The following FBXW8 variants were observed in gnomAD, a reference collection of about 807,000 sequenced individuals.
FBXW8 encodes the protein F-box/WD repeat-containing protein 8.
FBXW8 carries 57 observed loss-of-function variants against 65.3 expected under a neutral mutation model. The observed-to-expected ratio is 0.87, with a 90% CI of 0.71 to 1.09. The LOEUF (loss-of-function observed/expected upper bound fraction) is 1.09. Ranked by LOEUF, FBXW8 falls within the 50% of genes least tolerant of loss-of-function variation. The pLI is 0.00. For synonymous variants in FBXW8, 308 were observed against 330.2 expected (o/e 0.93, Z 0.73); for missense variants, 777 against 814.8 (o/e 0.95, Z 0.57).
At chr12:116,912,171 G>GTTTTTTTTT (rs57142470) in intron 1 of FBXW8, among the ~76,000 whole-genome samples, 1 of 131,022 alleles carries the variant, frequency 7.6e-6, no homozygotes. Context: ...TTTTTTTCCT[G>GTTTTTTTTT]TTTTTTTTTT....
intron 9 of FBXW8, among the ~76,000 whole-genome samples, chr12:117,025,368 T>C (rs1034124291): frequency 2.0e-5 from 3 of 152,222 alleles, no homozygotes; most frequent in African/African-American, 7.2e-5. Context: ...CAGTGGCCTC[T>C]GAGCATGACA....
chr12:117,025,811 C>CCTCAGG (rs1265389078), intron 9 of FBXW8, among the ~76,000 whole-genome samples: 1 of 152,224 alleles, frequency 6.6e-6, no homozygotes, highest in Non-Finnish European at 1.5e-5. Context: ...CCATCCAGGT[C>CCTCAGG]CTCAGGGATG....
At chr12:117,011,390 C>T (rs1177113277) in intron 8 of FBXW8, among the ~76,000 whole-genome samples, 2 of 152,146 alleles carry the variant, frequency 1.3e-5, no homozygotes, top group African/African-American at 4.8e-5. Context: ...CAACCTTCAC[C>T]CCTAGATACC....
intron 1 of FBXW8, among the ~76,000 whole-genome samples, chr12:116,915,841 T>TG (rs1189845842): frequency 1.3e-5 from 2 of 151,848 alleles, no homozygotes; most frequent in Non-Finnish European, 2.9e-5. Flanking sequence ...TTGGTAGAGA[T>TG]GGGGTTTCAC....
intron 5 of FBXW8, among the ~76,000 whole-genome samples, chr12:116,975,537 G>A (rs532985760): frequency 1.3e-5 from 2 of 152,308 alleles, no homozygotes; most frequent in South Asian, 4.1e-4. Flanking sequence ...ACAACATTCA[G>A]ATGAGCAATG....
intron 2 of FBXW8, among the ~76,000 whole-genome samples, chr12:116,929,942 T>C (rs1003059303): frequency 6.6e-6 from 1 of 152,244 alleles, no homozygotes; most frequent in Non-Finnish European, 1.5e-5. Context: ...TATTTGTCTT[T>C]CTGTGGCTGG....
At chr12:116,986,652 CA>C (rs1490097483) in intron 6 of FBXW8, 1 of 151,656 alleles carries the variant, frequency 6.6e-6, no homozygotes, top group Non-Finnish European at 1.5e-5. Flanking sequence ...AAAAAAACAA[CA>C]AAAAAACGAA....
intron 1 of FBXW8, among the ~76,000 whole-genome samples, chr12:116,918,963 A>G (rs74553355): frequency 0.029 from 4,447 of 152,056 alleles, 192 homozygotes; most frequent in East Asian, 0.2. Context: ...TGTATATGCC[A>G]TGTTTTTTTT....
At chr12:117,002,130 C>G (rs1953538341) in intron 7 of FBXW8, among the ~76,000 whole-genome samples, 1 of 152,248 alleles carries the variant, frequency 6.6e-6, no homozygotes, top group Admixed American at 6.5e-5. Context: ...GCCCACATCA[C>G]AAAGCCCCCA....
At chr12:117,002,566 G>C (rs1402565570) in intron 7 of FBXW8, 1 of 152,114 alleles carries the variant, frequency 6.6e-6, no homozygotes, top group Non-Finnish European at 1.5e-5. Flanking sequence ...TTGGGATGGT[G>C]GTGAAAGTCA....
chr12:116,939,102 T>A (rs754689038), intron 2 of FBXW8, among the ~76,000 whole-genome samples: 2 of 152,208 alleles, frequency 1.3e-5, no homozygotes, highest in Non-Finnish European at 2.9e-5. Context: ...AGCACTGGGC[T>A]TTTGAGATAC....
intron 1 of FBXW8, among the ~76,000 whole-genome samples, chr12:116,919,696 T>C (rs1880731571): frequency 6.6e-6 from 1 of 152,186 alleles, no homozygotes; most frequent in Non-Finnish European, 1.5e-5. Flanking sequence ...GTTTGTTGAG[T>C]TGAAATAATG....
intron 1 of FBXW8, among the ~76,000 whole-genome samples, chr12:116,913,310 A>C (rs1263533275): frequency 6.6e-6 from 1 of 152,236 alleles, no homozygotes; most frequent in Non-Finnish European, 1.5e-5. Flanking sequence ...CAAATCATGT[A>C]CAGTTGACCT....
rs146084480 is a variant in FBXW8 at position 116,919,686 on chromosome 12, GT to G, written c.318+8334del. On this transcript the variant is annotated intron_variant, in intron 1 of 10. Transcript: ENST00000652555. ...CTAGTACAGTAGGGGCCCTATCTAT[GT>G]TTGTTGAGTTGAAATAATGTGGGCA... Among the ~76,000 whole-genome samples the G allele has an allele frequency of 5.3e-3, 812 of 152,258 alleles. 11 individuals are homozygous for G. The highest frequency in any genetic ancestry group is 0.019 in the African/African-American group (785 of 41,540).
At chr12:116,989,175 T>G (rs1953175222) in intron 7 of FBXW8, among the ~76,000 whole-genome samples, 1 of 152,192 alleles carries the variant, frequency 6.6e-6, no homozygotes, top group Non-Finnish European at 1.5e-5. Context: ...AGAGATGGGA[T>G]CATAGTATAC....
rs1555220064 is a variant in FBXW8, at chr12:116,955,037, G to GGC, written c.677+5332_677+5333insCG. Among the ~76,000 whole-genome samples the GGC allele has an allele frequency of 1.9e-4, 4 of 21,394 alleles. No individual in the cohort carries two copies. The Admixed American group carries it at 6.3e-3, about 34-fold the overall frequency. The allele number at this position is 21,394 out of a possible 152,430, so 14.0% of individuals were successfully genotyped here. On this transcript the variant is annotated intron_variant, in intron 4 of 10. Transcript: ENST00000652555. ...GCTGTTGACTTTCCCCTCTTGAAAT[G>GGC]GGGGGGGGGGGCCCTGTATTAAGCA...
chr12:117,000,166 C>T (rs1406415499), intron 7 of FBXW8, among the ~76,000 whole-genome samples: 1 of 152,094 alleles, frequency 6.6e-6, no homozygotes, highest in African/African-American at 2.4e-5. Flanking sequence ...TTAGTAGAGA[C>T]GTGGTTTCAC....
rs151009621 is a variant in FBXW8 at position 117,025,382 on chromosome 12, T to C, written c.1541+1062T>C. Among the ~76,000 whole-genome samples the C allele has an allele frequency of 2.1e-3, 320 of 152,098 alleles. 1 individual carries two copies. The highest frequency in any genetic ancestry group is 7.3e-3 in the African/African-American group (302 of 41,486). Reference sequence around the variant, plus strand: ...CCAGTGGCCTCTGAGCATGACAACATAGAAGAGCAGAAACAGGGCAAGGCC... The same window carrying C: ...CCAGTGGCCTCTGAGCATGACAACACAGAAGAGCAGAAACAGGGCAAGGCC... On this transcript the variant is annotated intron_variant, in intron 9 of 10. Transcript: ENST00000652555.
chr12:116,976,472 T>C lies in FBXW8; in HGVS notation c.836-8734T>C, dbSNP rs1352654338. On this transcript the variant is annotated intron_variant, in intron 5 of 10. Transcript: ENST00000652555. ...ATCCTTTTTTTTTTTTTTTTTTTTTTCAAAACAGAGTCTCACTCTGTTGCC... is the reference window on the plus strand; with the variant it reads ...ATCCTTTTTTTTTTTTTTTTTTTTTCCAAAACAGAGTCTCACTCTGTTGCC... Among the ~76,000 whole-genome samples, 355 of 98,238 alleles carry C rather than the reference T, an allele frequency of 3.6e-3. 2 individuals carry two copies. Among genetic ancestry groups the C allele is most frequent in the African/African-American group, 9.1e-3 (318 of 34,756 alleles). The allele number at this position is 98,238 out of a possible 152,430, so 64.4% of individuals were successfully genotyped here.
Sources: allele counts gnomAD v4.1 joint callset (sites outside exome capture counted in the v4.1 genomes callset), GRCh38; gene constraint gnomAD v4.1.1; transcripts MANE v1.5; gene names NCBI Gene and HGNC (gene_info 2026-07-23, HGNC 2026-07-21).